Variants in DDX19B observed in about 807,000 individuals in gnomAD.
DDX19B encodes ATP-dependent RNA helicase DDX19B.
A neutral mutation model predicts 58.1 loss-of-function variants in DDX19B; 27 were observed. The ratio of observed to expected loss-of-function variants is 0.46; its 90% CI spans 0.34 to 0.64. DDX19B has a LOEUF of 0.64. DDX19B is among the 30% of genes least tolerant of loss of function. DDX19B has a pLI of 0.01. For synonymous variants in DDX19B, 187 were observed against 214.4 expected (o/e 0.87, Z 1.12); for missense variants, 399 against 596.5 (o/e 0.67, Z 3.45).
intron 5 of DDX19B, among the ~76,000 whole-genome samples, chr16:70,321,623 A>C (rs1485977107): frequency 6.6e-6 from 1 of 152,246 alleles, no homozygotes; most frequent in Non-Finnish European, 1.5e-5. Context: ...AATATAGCTA[A>C]TTCATTTTTA....
chr16:70,302,364 C>T (rs1031797993), intron 1 of DDX19B, among the ~76,000 whole-genome samples: 1 of 152,162 alleles, frequency 6.6e-6, no homozygotes, highest in Admixed American at 6.6e-5. Flanking sequence ...CATAAACCCT[C>T]TCTACAAAGA....
Position 70,325,706 on chromosome 16 carries a change from GT to G in DDX19B, c.607+19del. 4 of 1,549,842 alleles carry G rather than the reference GT, an allele frequency of 2.6e-6. No individual in the cohort carries two copies. The East Asian group carries it at 9.0e-5, about 35-fold the overall frequency. ...CAATAAATGTGAGTATGTGAATTTG[GT>G]CCTAAATCATCAACCTAATTCTTTT... On this transcript the variant is annotated intron_variant, in intron 7 of 11. Transcript: ENST00000288071.
upstream of DDX19B, among the ~76,000 whole-genome samples, chr16:70,294,068 C>A (rs1466130514): frequency 2.0e-5 from 3 of 146,884 alleles, no homozygotes; most frequent in Non-Finnish European, 4.5e-5. Context: ...GCCTGAGAGC[C>A]TGAATTTTTT....
In DDX19B at chr16:70,311,304, C is replaced by T. The variant is rs557770585; in HGVS notation, c.58-1305C>T. On this transcript the variant is annotated intron_variant, in intron 1 of 11. Transcript: ENST00000288071. ...CTGAGGCAGTAGAATGGCGTGAACC[C>T]GGAAGGCAGAGCTTGCAGTGAGCTG... Among the ~76,000 whole-genome samples, 5 of 152,118 alleles carry T rather than the reference C, an allele frequency of 3.3e-5. No homozygotes were observed. The East Asian group carries it at 5.8e-4, about 18-fold the overall frequency.
intron 5 of DDX19B, among the ~76,000 whole-genome samples, chr16:70,324,362 CAAAAAAAAAAAAA>C (rs57977602): frequency 1.0e-4 from 5 of 48,854 alleles, no homozygotes; most frequent in Admixed American, 3.1e-4. Context: ...GACCTAATCT[CAAAAAAAAAAAAA>C]AAAAAAAAAA....
chr16:70,315,854 G>T (rs1238316822), intron 3 of DDX19B, 115 bp from the exon 4 acceptor site: 4 of 1,357,110 alleles, frequency 2.9e-6, no homozygotes, highest in Admixed American at 4.8e-5. Context: ...GACGTACCTT[G>T]AATTTGAATG....
rs1464537894 is a variant in DDX19B, at chr16:70,331,775, G to T, written c.1077G>T (p.Gln359His). The change falls in exon 10 of 12, where the codon CAG becomes CAT. Residue 359 changes from glutamine to histidine, a missense_variant. Physicochemically the swap from Gln to His is conservative, Grantham distance 24. This residue lies in a region of DDX19B where 198 missense variants were observed against 345.9 expected (regional missense o/e 0.57). Coordinates refer to ENST00000288071, the MANE Select transcript of DDX19B (RefSeq NM_007242.7). The stretch of plus-strand genomic sequence containing the variant: ...CAGAGCTCTCAAAAGAAGGCCACCA[G>T]GTGGCTCTGCTGAGTGGGGAGATGA... ...LAAELSKEGHQVALLSGEMMV... is the reference protein window; with the variant it reads ...LAAELSKEGHHVALLSGEMMV... The T allele has an allele frequency of 6.2e-7, 1 of 1,614,118 alleles. No homozygotes were observed. The highest frequency in any genetic ancestry group is 1.1e-5 in the South Asian group (1 of 91,096).
intron 7 of DDX19B, among the ~76,000 whole-genome samples, chr16:70,325,891 C>T (rs545646451): frequency 1.3e-5 from 2 of 152,302 alleles, no homozygotes; most frequent in East Asian, 3.9e-4. Flanking sequence ...TGCAGACATG[C>T]ACCTCATGAG....
At chr16:70,323,229 C>T (rs1962947462) in intron 5 of DDX19B, among the ~76,000 whole-genome samples, 1 of 151,996 alleles carries the variant, frequency 6.6e-6, no homozygotes, top group Admixed American at 6.6e-5. Flanking sequence ...ATGTCAGCCT[C>T]CCAGGTAGCT....
rs547898778 is a variant in DDX19B at position 70,329,538 on chromosome 16, T to C, written c.785+69T>C. The C allele has an allele frequency of 1.3e-4, 209 of 1,593,502 alleles. 1 individual carries two copies. The highest frequency in any genetic ancestry group is 8.5e-4 in the East Asian group (38 of 44,764). ...CAGTGTCTTCTCCCTTCACTTCAGA[T>C]GCCTCCTCTGGCTTCTGCCTGGGTC... On this transcript the variant is annotated intron_variant, in intron 8 of 11. Coordinates refer to ENST00000288071, the MANE Select transcript of DDX19B (RefSeq NM_007242.7).
chr16:70,304,949 TTTC>T (rs1350981315), intron 1 of DDX19B, among the ~76,000 whole-genome samples: 2 of 152,286 alleles, frequency 1.3e-5, no homozygotes, highest in East Asian at 1.9e-4. Context: ...GGAGGATATT[TTTC>T]TTCTTCTCTC....
upstream of DDX19B, among the ~76,000 whole-genome samples, chr16:70,298,569 GCCTAGACCT>G (rs1961318885): frequency 6.6e-6 from 1 of 151,908 alleles, no homozygotes; most frequent in Non-Finnish European, 1.5e-5. Context: ...GCTCACTGCA[GCCTAGACCT>G]CCTGGGCTCA....
upstream of DDX19B, among the ~76,000 whole-genome samples, chr16:70,297,169 C>A (rs979359989): frequency 2.0e-5 from 3 of 152,036 alleles, no homozygotes; most frequent in African/African-American, 7.3e-5. Context: ...CTGCTTTGGC[C>A]TCCCAAAGTG....
chr16:70,314,705 T>TAC (rs1962278070), intron 2 of DDX19B, 197 bp from the exon 3 acceptor site: 1 of 475,130 alleles, frequency 2.1e-6, no homozygotes, highest in African/African-American at 2.0e-5. Flanking sequence ...TCTATATATA[T>TAC]ATATATGTGA....
chr16:70,312,361 TTCTC>T (rs929891422), intron 1 of DDX19B, among the ~76,000 whole-genome samples: 71 of 152,322 alleles, frequency 4.7e-4, no homozygotes, highest in African/African-American at 1.6e-3. Flanking sequence ...CAAATTACAA[TTCTC>T]TCACAGAATT....
intron 1 of DDX19B, among the ~76,000 whole-genome samples, chr16:70,311,474 C>T (rs937748798): frequency 2.0e-5 from 3 of 152,184 alleles, no homozygotes; most frequent in Non-Finnish European, 4.4e-5. Flanking sequence ...ACTCTGGGCA[C>T]ATTTCCTGTG....
In DDX19B at chr16:70,333,528, G is replaced by C; in HGVS notation, c.1386G>C (p.Lys462Asn). ...TGTGTATCTTTCCCCCAGATAAGAA[G>C]ATAGAAAGATTGGACACAGATGATT... ...LNRIQEHFNK[K>N]IERLDTDDLD... The change falls in exon 12 of 12, where the codon AAG becomes AAC. Residue 462 changes from lysine to asparagine, a missense_variant. Coordinates refer to ENST00000288071, the MANE Select transcript of DDX19B (RefSeq NM_007242.7). 1 of 1,613,996 alleles carries C rather than the reference G, an allele frequency of 6.2e-7. No individual in the cohort carries two copies. The highest frequency in any genetic ancestry group is 8.5e-7 in the Non-Finnish European group (1 of 1,179,876).
At chr16:70,315,011 G>C in intron 3 of DDX19B, 56 bp downstream of exon 3, 3 of 1,572,726 alleles carry the variant, frequency 1.9e-6, no homozygotes, top group Non-Finnish European at 2.6e-6. Context: ...TAAGAAAGTG[G>C]ATTGTTATGA....
At chr16:70,311,100 G>A (rs776552703) in intron 1 of DDX19B, among the ~76,000 whole-genome samples, 24 of 151,330 alleles carry the variant, frequency 1.6e-4, no homozygotes, top group Non-Finnish European at 2.4e-4. Context: ...AAGGCCGGGC[G>A]TGGCAGCTCA....
Sources: allele counts gnomAD v4.1 joint callset (sites outside exome capture counted in the v4.1 genomes callset), GRCh38; gene constraint gnomAD v4.1.1; regional missense constraint gnomAD v4.1.1; transcripts MANE v1.5; gene names NCBI Gene and HGNC (gene_info 2026-07-23, HGNC 2026-07-21).